IL1RAPL2: variants seen among roughly 807,000 people sequenced by gnomAD.
The protein encoded by IL1RAPL2 is interleukin 1 receptor accessory protein like 2, also known as X-linked interleukin-1 receptor accessory protein-like 2.
In IL1RAPL2, 3 loss-of-function variants were observed where a neutral mutation model predicts 44.1. The observed-to-expected ratio is 0.07, with a 90% CI of 0.03 to 0.18. IL1RAPL2 has a LOEUF of 0.18. IL1RAPL2 is among the 10% of genes least tolerant of loss of function. The pLI, the probability that IL1RAPL2 is intolerant of heterozygous loss-of-function variation, is 1.00. For missense variants in IL1RAPL2, 391 were observed against 496.4 expected (o/e 0.79, Z 2.02); for synonymous variants, 181 against 178.8 (o/e 1.01, Z -0.10).
chrX:105,003,324 A>G (rs762481796), intron 2 of IL1RAPL2, among the ~76,000 whole-genome samples: 2 of 111,509 alleles, frequency 1.8e-5, no homozygotes, highest in South Asian at 7.4e-4. Flanking sequence ...GTTGAAATTT[A>G]GAGTACTTAA....
intron 2 of IL1RAPL2, among the ~76,000 whole-genome samples, chrX:105,140,459 G>T (rs753362881): frequency 1.3e-4 from 15 of 111,203 alleles, no homozygotes; most frequent in African/African-American, 5.0e-4. Context: ...CCTGGAACGT[G>T]AATGGCATTC....
At chrX:105,282,242 G>A (rs1233824585) in intron 5 of IL1RAPL2, among the ~76,000 whole-genome samples, 2 of 112,173 alleles carry the variant, frequency 1.8e-5, no homozygotes, top group African/African-American at 6.5e-5. Context: ...CGGAGGACAA[G>A]CATGTTGAGG....
intron 2 of IL1RAPL2, among the ~76,000 whole-genome samples, chrX:104,837,900 T>G (rs150327061): frequency 7.7e-4 from 86 of 112,163 alleles, no homozygotes; most frequent in African/African-American, 2.7e-3. Context: ...GAGTTAATTT[T>G]TGTATAAGGT....
intron 5 of IL1RAPL2, chrX:105,406,947 G>A (rs2035649778): frequency 6.3e-6 from 7 of 1,110,036 alleles, no homozygotes; most frequent in Non-Finnish European, 7.4e-6. Flanking sequence ...ATCTATCTGG[G>A]TGCGATCTTC....
chrX:105,338,031 C>A (rs950792692), intron 5 of IL1RAPL2, among the ~76,000 whole-genome samples: 4 of 112,169 alleles, frequency 3.6e-5, no homozygotes, highest in African/African-American at 1.3e-4. Context: ...TTATGAATGG[C>A]AAGACATGGG....
Position 105,601,129 on chromosome X carries a change from C to T in IL1RAPL2, c.773-116238C>T, listed in dbSNP as rs184232137. ...ATTTTGTTTTTTTTAAATTGAATTC[C>T]AGGAGTTAGTTATGTATTATGGATA... On this transcript the variant is annotated intron_variant, in intron 6 of 10. Transcript: ENST00000372582. 3.4e-3 allele frequency among the ~76,000 whole-genome samples: 376 copies of T among 110,378 alleles called. 2 individuals are homozygous for T. Among genetic ancestry groups the T allele is most frequent in the Non-Finnish European group, 5.8e-3 (304 of 52,830 alleles).
At chrX:104,610,044 G>A (rs1007541611) in intron 1 of IL1RAPL2, among the ~76,000 whole-genome samples, 4 of 111,880 alleles carry the variant, frequency 3.6e-5, no homozygotes, top group Non-Finnish European at 5.6e-5. Flanking sequence ...TGTTGTGGAT[G>A]TCCTTTGTGT....
At chrX:105,418,045 G>A (rs898179884) in intron 5 of IL1RAPL2, among the ~76,000 whole-genome samples, 3 of 111,182 alleles carry the variant, frequency 2.7e-5, no homozygotes, top group Non-Finnish European at 5.7e-5. Flanking sequence ...CCCACTTACA[G>A]CATTTTTCAT....
chrX:104,984,926 G>T (rs1046258990), intron 2 of IL1RAPL2, among the ~76,000 whole-genome samples: 4 of 111,258 alleles, frequency 3.6e-5, no homozygotes, highest in Non-Finnish European at 7.5e-5. Flanking sequence ...AGAGAACATG[G>T]ATGAAAACTT....
chrX:104,781,064 G>GTT (rs766227291), intron 2 of IL1RAPL2, among the ~76,000 whole-genome samples: 918 of 84,986 alleles, frequency 0.011, 8 homozygotes, highest in African/African-American at 0.033. Flanking sequence ...ACTTTACTTA[G>GTT]TTTTATTTTT....
chrX:104,738,795 C>T (rs764477248), intron 2 of IL1RAPL2, among the ~76,000 whole-genome samples: 47 of 111,139 alleles, frequency 4.2e-4, no homozygotes, highest in African/African-American at 1.5e-3. Flanking sequence ...AAAAAATTAG[C>T]CAGATGTGGT....
At chrX:105,363,291 T>A (rs866488113) in intron 5 of IL1RAPL2, among the ~76,000 whole-genome samples, 3 of 70,290 alleles carry the variant, frequency 4.3e-5, no homozygotes, top group African/African-American at 2.0e-4. Flanking sequence ...ATATATATAA[T>A]ATATATATAT....
intron 3 of IL1RAPL2, among the ~76,000 whole-genome samples, chrX:105,214,802 C>T (rs940046559): frequency 8.9e-6 from 1 of 111,877 alleles, no homozygotes; most frequent in Non-Finnish European, 1.9e-5. Flanking sequence ...CAAATTAGAG[C>T]TCAAGGTTAA....
At chrX:104,961,262 A>T (rs1454171743) in intron 2 of IL1RAPL2, among the ~76,000 whole-genome samples, 3 of 111,811 alleles carry the variant, frequency 2.7e-5, no homozygotes, top group African/African-American at 9.8e-5. Flanking sequence ...AAGCAGCCAG[A>T]GGTCAAACAT....
At chrX:104,672,731 T>C (rs1226399453) in intron 2 of IL1RAPL2, among the ~76,000 whole-genome samples, 4 of 104,754 alleles carry the variant, frequency 3.8e-5, no homozygotes, top group African/African-American at 1.4e-4. Flanking sequence ...AAAGTGTTCC[T>C]ATTTCTCCAC....
rs1437952987 is a variant in IL1RAPL2, at chrX:104,920,694, A to T, written c.82+261699A>T. Among the ~76,000 whole-genome samples, 16 of 108,164 alleles carry T rather than the reference A, an allele frequency of 1.5e-4. No individual in the cohort carries two copies. In the Admixed American group the frequency reaches 1.6e-3, roughly 11 times the overall value. 93.9% of individuals were successfully genotyped at this position (108,164 alleles called of 115,157 possible). A position where few individuals can be genotyped will look rare whatever the true frequency, so the allele number is the denominator to read the frequency against. ...TGAGCCAATTAAAACTCTTTTCTTTAAAAATTACCCAGTCTTAGGTATTCC... is the reference window on the plus strand; with the variant it reads ...TGAGCCAATTAAAACTCTTTTCTTTTAAAATTACCCAGTCTTAGGTATTCC... On this transcript the variant is annotated intron_variant, in intron 2 of 10. Coordinates refer to ENST00000372582, the MANE Select transcript of IL1RAPL2 (RefSeq NM_017416.2).
intron 3 of IL1RAPL2, among the ~76,000 whole-genome samples, chrX:105,200,780 T>C (rs1556145546): frequency 9.0e-6 from 1 of 110,769 alleles, no homozygotes; most frequent in African/African-American, 3.3e-5. Flanking sequence ...GGCGTGGTGG[T>C]GCACATCTGT....
intron 1 of IL1RAPL2, among the ~76,000 whole-genome samples, chrX:104,584,076 A>G (rs1334972478): frequency 9.0e-6 from 1 of 110,821 alleles, no homozygotes; most frequent in Non-Finnish European, 1.9e-5. Context: ...AAAAATACCT[A>G]TTTCTGTACC....
intron 5 of IL1RAPL2, among the ~76,000 whole-genome samples, chrX:105,281,129 T>C (rs7887442): frequency 0.064 from 7,086 of 111,178 alleles, 552 homozygotes; most frequent in African/African-American, 0.22. Flanking sequence ...TGCAGGGACA[T>C]GGATGAAGCT....
Sources: allele counts gnomAD v4.1 joint callset (sites outside exome capture counted in the v4.1 genomes callset), GRCh38; gene constraint gnomAD v4.1.1; transcripts MANE v1.5; gene names NCBI Gene and HGNC (gene_info 2026-07-23, HGNC 2026-07-21).